Variants in OXR1 observed in about 807,000 individuals in gnomAD.
The protein encoded by OXR1 is oxidation resistance 1.
Under a neutral mutation model 104.6 loss-of-function variants are expected in OXR1, and 41 were observed. The observed-to-expected ratio is 0.39, with a 90% CI of 0.31 to 0.51. OXR1 has a LOEUF of 0.51. Among genes scored for constraint, OXR1 ranks in the 20% least tolerant of loss-of-function variants. The probability of loss-of-function intolerance (pLI) is 0.77; values close to 1 mark genes in which losing one functional copy is unlikely to be tolerated. For synonymous variants in OXR1, 348 were observed against 348.4 expected, an observed-to-expected ratio of 1.00 and a Z score of 0.01; for missense variants, 955 against 1,031.9, an observed-to-expected ratio of 0.93 and a Z score of 1.02.
chr8:106,453,174 T>G (rs2130622983), intron 2 of OXR1, among the ~76,000 whole-genome samples: 2 of 152,294 alleles, frequency 1.3e-5, no homozygotes, highest in Middle Eastern at 6.8e-3. Flanking sequence ...TGCTGTGCAC[T>G]TCGAGCTCAC....
At chr8:106,299,830 A>AT (rs1240278880) in intron 1 of OXR1, among the ~76,000 whole-genome samples, 11 of 139,694 alleles carry the variant, frequency 7.9e-5, no homozygotes, top group African/African-American at 3.5e-4. Flanking sequence ...TTAATTTTAG[A>AT]TAAAAAACAC....
At chr8:106,514,804 A>C (rs1812756935) in intron 2 of OXR1, among the ~76,000 whole-genome samples, 1 of 152,088 alleles carries the variant, frequency 6.6e-6, no homozygotes, top group South Asian at 2.1e-4. Flanking sequence ...CTGCTATGTG[A>C]ATTGAAGGTA....
chr8:106,530,540 G>T (rs904070765), intron 3 of OXR1, among the ~76,000 whole-genome samples: 20 of 152,128 alleles, frequency 1.3e-4, no homozygotes, highest in African/African-American at 2.4e-5. Context: ...ATGACTGAAA[G>T]AATATTACTT....
At chr8:106,739,388 G>A in intron 12 of OXR1, 70 bp from the exon 13 acceptor site, 2 of 1,394,536 alleles carry the variant, frequency 1.4e-6, no homozygotes, top group Non-Finnish European at 2.0e-6. Flanking sequence ...TTATTTATCT[G>A]AAAAGTCTGA....
intron 2 of OXR1, among the ~76,000 whole-genome samples, chr8:106,478,767 T>C (rs1173843339): frequency 6.6e-6 from 1 of 151,860 alleles, no homozygotes; most frequent in Non-Finnish European, 1.5e-5. Flanking sequence ...TACTGCTTGC[T>C]TTTCATTATA....
chr8:106,445,536 C>T (rs1819977111), intron 2 of OXR1, among the ~76,000 whole-genome samples: 1 of 152,296 alleles, frequency 6.6e-6, no homozygotes, highest in Non-Finnish European at 1.5e-5. Flanking sequence ...GCCTCATTAC[C>T]ATGCCTGTCT....
chr8:106,389,632 C>T (rs1439187274), intron 2 of OXR1, among the ~76,000 whole-genome samples: 2 of 152,154 alleles, frequency 1.3e-5, no homozygotes, highest in Non-Finnish European at 2.9e-5. Flanking sequence ...ACTGAGCTTA[C>T]CTCCCAAAGA....
Position 106,622,661 on chromosome 8 carries a change from G to A in OXR1, c.221-56549G>A, listed in dbSNP as rs545891831. 5.9e-5 allele frequency among the ~76,000 whole-genome samples: 9 copies of A among 151,862 alleles called. No homozygotes were observed. The South Asian group carries it at 1.7e-3, about 28-fold the overall frequency. ...CATAGCCAACTTCCTCACTTTCTTC[G>A]GGTTCTTATAAAATTGTCTTTTCAG... is the stretch of plus-strand genomic sequence containing the variant. On this transcript the variant is annotated intron_variant, in intron 3 of 16. Coordinates refer to ENST00000517566, the MANE Select transcript of OXR1 (RefSeq NM_001198533.2).
Position 106,588,549 on chromosome 8 carries a change from G to A in OXR1, c.220+69410G>A, listed in dbSNP as rs566664530. On this transcript the variant is annotated intron_variant, in intron 3 of 16. Coordinates refer to ENST00000517566, the MANE Select transcript of OXR1 (RefSeq NM_001198533.2). ...GTCACCCAGGCTAGAGTGCAGTGGC[G>A]CGATCTTGGCTCACTGCAACCTCTG... Among the ~76,000 whole-genome samples the A allele has an allele frequency of 6.0e-5, 9 of 150,252 alleles. No homozygotes were observed. The South Asian group carries it at 1.1e-3, about 18-fold the overall frequency.
At chr8:106,617,961 G>C (rs1821379314) in intron 3 of OXR1, 1 of 970,880 alleles carries the variant, frequency 1.0e-6, no homozygotes, top group South Asian at 4.8e-5. Context: ...GGCAGGTACA[G>C]TGAGTTTCCT....
chr8:106,298,436 A>C (rs867863528), intron 1 of OXR1, among the ~76,000 whole-genome samples: 3 of 152,140 alleles, frequency 2.0e-5, no homozygotes, highest in Admixed American at 6.6e-5. Flanking sequence ...ACCCGTCCCC[A>C]TGATTCAGTT....
At chr8:106,624,906 C>A (rs1252584760) in intron 3 of OXR1, among the ~76,000 whole-genome samples, 1 of 152,086 alleles carries the variant, frequency 6.6e-6, no homozygotes, top group African/African-American at 2.4e-5. Context: ...ATCCTCCCAC[C>A]TCAACACACT....
chr8:106,717,039 A>C (rs1218693987), intron 11 of OXR1, among the ~76,000 whole-genome samples: 1 of 152,110 alleles, frequency 6.6e-6, no homozygotes, highest in African/African-American at 2.4e-5. Flanking sequence ...TACAAAAATT[A>C]GCTGGACGTG....
intron 3 of OXR1, among the ~76,000 whole-genome samples, chr8:106,545,501 G>A (rs1815285543): frequency 6.6e-6 from 1 of 152,110 alleles, no homozygotes; most frequent in African/African-American, 2.4e-5. Context: ...AGAAAGGAAT[G>A]AAAATCATTT....
intron 11 of OXR1, among the ~76,000 whole-genome samples, chr8:106,723,238 TC>T (rs1832981590): frequency 6.6e-6 from 1 of 152,002 alleles, no homozygotes; most frequent in African/African-American, 2.4e-5. Flanking sequence ...ATGCGTGTAA[TC>T]CCAGCACTTT....
At chr8:106,359,047 T>TTTTCTTTCCTTCTTTCTTTCTTTCTTTC (rs1816120395) in intron 1 of OXR1, among the ~76,000 whole-genome samples, 2 of 141,134 alleles carry the variant, frequency 1.4e-5, no homozygotes, top group African/African-American at 5.6e-5. Flanking sequence ...CATGGAATTC[T>TTTTCTTTCCTTCTTTCTTTCTTTCTTTC]TTTCTTTCTT....
chr8:106,639,009 A>G (rs1484790687), intron 3 of OXR1, among the ~76,000 whole-genome samples: 1 of 152,136 alleles, frequency 6.6e-6, no homozygotes, highest in African/African-American at 2.4e-5. Context: ...CATCCCATCT[A>G]TGAAATAGAA....
At chr8:106,394,322 A>G (rs1817694181) in intron 2 of OXR1, among the ~76,000 whole-genome samples, 1 of 151,822 alleles carries the variant, frequency 6.6e-6, no homozygotes. Context: ...AAAAAAAGAT[A>G]AAACAATTTC....
At chr8:106,629,024 TCA>T (rs1822426591) in intron 3 of OXR1, among the ~76,000 whole-genome samples, 1 of 152,102 alleles carries the variant, frequency 6.6e-6, no homozygotes, top group Non-Finnish European at 1.5e-5. Context: ...AAGACAGACT[TCA>T]GAGCGTAACA....
Sources: gnomAD v4.1 joint callset for allele counts (sites outside exome capture counted in the v4.1 genomes callset) on GRCh38, gnomAD v4.1.1 for gene constraint, MANE v1.5 for transcripts, NCBI Gene and HGNC (gene_info 2026-07-23, HGNC 2026-07-21) for gene names.